The following RBL1 variants were observed in gnomAD, a reference collection of about 807,000 sequenced individuals.
The protein encoded by RBL1 is retinoblastoma-like protein 1.
A neutral mutation model predicts 123.0 loss-of-function variants in RBL1; 82 were observed. The ratio of observed to expected loss-of-function variants is 0.67; its 90% CI spans 0.56 to 0.80. The LOEUF (loss-of-function observed/expected upper bound fraction) is 0.80. Ranked by LOEUF, RBL1 falls within the 30% of genes least tolerant of loss-of-function variation. RBL1 has a pLI of 0.00. For missense variants in RBL1, 1,171 were observed against 1,299.6 expected, an observed-to-expected ratio of 0.90 and a Z score of 1.52; for synonymous variants, 405 against 441.3, an observed-to-expected ratio of 0.92 and a Z score of 1.03.
chr20:37,037,993 T>C (rs866975770), intron 14 of RBL1, among the ~76,000 whole-genome samples: 2 of 145,148 alleles, frequency 1.4e-5, no homozygotes, highest in African/African-American at 2.6e-5. Flanking sequence ...CCATTGTTTT[T>C]TTTTTTTTTT....
chr20:37,027,865 C>T (rs776554259), intron 16 of RBL1, among the ~76,000 whole-genome samples: 7 of 152,096 alleles, frequency 4.6e-5, no homozygotes, highest in Non-Finnish European at 5.9e-5. Context: ...TGTTATCCTC[C>T]CACTTCAGCC....
intron 2 of RBL1, among the ~76,000 whole-genome samples, chr20:37,071,902 G>C (rs1365143472): frequency 6.6e-6 from 1 of 152,110 alleles, no homozygotes; most frequent in Admixed American, 6.6e-5. Context: ...CCCTCACCAG[G>C]AGCAGATGCC....
At chr20:37,082,688 T>C (rs1181691448) in intron 2 of RBL1, among the ~76,000 whole-genome samples, 2 of 152,218 alleles carry the variant, frequency 1.3e-5, no homozygotes, top group East Asian at 1.9e-4. Context: ...ATTTACATTG[T>C]ATTAGGTATA....
intron 20 of RBL1, among the ~76,000 whole-genome samples, chr20:37,004,437 G>A (rs533452625): frequency 1.1e-4 from 17 of 150,176 alleles, no homozygotes; most frequent in African/African-American, 4.1e-4. Flanking sequence ...TTCTGGCCAG[G>A]CACAGTGGCT....
chr20:37,001,939 A>AAAAC (rs1305853066), intron 21 of RBL1, among the ~76,000 whole-genome samples: 2 of 150,318 alleles, frequency 1.3e-5, no homozygotes, highest in African/African-American at 2.4e-5. Flanking sequence ...AAAAAAAAAA[A>AAAAC]AAACAAACCA....
At chr20:37,026,460 C>T (rs1248185786) in intron 16 of RBL1, among the ~76,000 whole-genome samples, 1 of 152,028 alleles carries the variant, frequency 6.6e-6, no homozygotes, top group Non-Finnish European at 1.5e-5. Flanking sequence ...AATCCCAGCA[C>T]TTTGAGAGGC....
rs61354360 is a variant in RBL1, at chr20:37,086,504, C to T, written c.290+2485G>A. ...TGGGGAGGCTGAGATCAGGCCATTG[C>T]ACTCCAGCCGGGGCAACAAGAGCAA... On this transcript the variant is annotated intron_variant, in intron 2 of 21. Coordinates refer to ENST00000373664, the MANE Select transcript of RBL1 (RefSeq NM_002895.5). Among the ~76,000 whole-genome samples, 1,346 of 152,102 alleles carry T rather than the reference C, an allele frequency of 8.8e-3. 18 individuals are homozygous for T. The highest frequency in any genetic ancestry group is 0.03 in the African/African-American group (1,238 of 41,476).
rs539528744 is a variant in RBL1, at chr20:37,052,049, T to G, written c.1467+3504A>C. ...TATTTTATTTTTAAGTTTTTTTTTT[T>G]TTAGATAGAGTCTCGCTCTGTTGCC... On this transcript the variant is annotated intron_variant, in intron 11 of 21. Transcript: ENST00000373664. Among the ~76,000 whole-genome samples, 44 of 151,904 alleles carry G rather than the reference T, an allele frequency of 2.9e-4. No homozygotes were observed. The South Asian group carries it at 8.5e-3, about 29-fold the overall frequency.
chr20:37,064,459 A>G (rs904278400), intron 7 of RBL1, among the ~76,000 whole-genome samples: 2 of 151,868 alleles, frequency 1.3e-5, no homozygotes, highest in African/African-American at 4.8e-5. Flanking sequence ...TTAAATGCCA[A>G]TTGGCCGGGT....
intron 1 of RBL1, among the ~76,000 whole-genome samples, chr20:37,089,971 A>C (rs984573459): frequency 2.6e-5 from 4 of 152,056 alleles, no homozygotes; most frequent in Non-Finnish European, 5.9e-5. Flanking sequence ...AGAATAGCTT[A>C]AACTCGGGAG....
At chr20:37,000,741 C>T (rs1236436751) in intron 21 of RBL1, among the ~76,000 whole-genome samples, 15 of 133,296 alleles carry the variant, frequency 1.1e-4, no homozygotes, top group African/African-American at 2.6e-4. Context: ...GCCCCCCGCC[C>T]GGCCAGCCGC....
chr20:37,054,291 T>C (rs1393573187), intron 11 of RBL1, among the ~76,000 whole-genome samples: 1 of 152,024 alleles, frequency 6.6e-6, no homozygotes, highest in Non-Finnish European at 1.5e-5. Context: ...AAGACCAGCC[T>C]GGCCAAGACA....
chr20:37,095,708 A>AGGGGC (rs984171924), intron 1 of RBL1, 65 bp downstream of exon 1: 2 of 1,412,374 alleles, frequency 1.4e-6, no homozygotes, highest in South Asian at 1.5e-5. Context: ...AGGCCGAGGA[A>AGGGGC]GGGGCGGGGC....
In RBL1 at chr20:37,042,773, G is replaced by A. The variant is rs553758275; in HGVS notation, c.1770+1313C>T. 6.6e-5 allele frequency among the ~76,000 whole-genome samples: 10 copies of A among 151,766 alleles called. No homozygotes were observed. The East Asian group carries it at 1.9e-3, about 29-fold the overall frequency. Reference sequence around the variant, plus strand: ...CAAAAATTAGCCAGGTGTGGTGTGTGTGCCTGTAGTCCCAGCTACTCAGAA... The same window carrying A: ...CAAAAATTAGCCAGGTGTGGTGTGTATGCCTGTAGTCCCAGCTACTCAGAA... On this transcript the variant is annotated intron_variant, in intron 13 of 21. Transcript: ENST00000373664.
intron 11 of RBL1, chr20:37,049,619 G>T: frequency 1.3e-6 from 1 of 757,502 alleles, no homozygotes; most frequent in Non-Finnish European, 2.4e-6. Context: ...GATGAATGTG[G>T]TGCTGGAGTG....
chr20:37,044,354 T>G, intron 12 of RBL1, 104 bp from the exon 13 acceptor site: 1 of 1,188,660 alleles, frequency 8.4e-7, no homozygotes, highest in Non-Finnish European at 1.2e-6. Context: ...CTTCTTTTTT[T>G]TGAGACGGAG....
chr20:37,022,512 A>G, intron 17 of RBL1, 138 bp downstream of exon 17: 1 of 699,948 alleles, frequency 1.4e-6, no homozygotes. Flanking sequence ...TTTTTTATAG[A>G]GATGAGGTTT....
intron 7 of RBL1, among the ~76,000 whole-genome samples, chr20:37,062,727 G>A (rs1371553576): frequency 5.3e-5 from 8 of 151,734 alleles, no homozygotes; most frequent in African/African-American, 1.5e-4. Context: ...AGGCCGAGGC[G>A]GGCAGATCAC....
chr20:36,998,918 A>G lies in RBL1; in HGVS notation c.3048T>C (p.Asp1016=). ...FNGSPSKSLK[D]INNMIRQGEQ... ...CACCTTGCCTTATCATGTTGTTGATATCTTTCAAACTCTGTGCAGAAATAG... is the reference window on the plus strand; with the variant it reads ...CACCTTGCCTTATCATGTTGTTGATGTCTTTCAAACTCTGTGCAGAAATAG... The change falls in exon 22 of 22, where the codon GAT becomes GAC. Residue 1016 remains aspartate, a synonymous_variant. Coordinates refer to ENST00000373664, the MANE Select transcript of RBL1 (RefSeq NM_002895.5). 1 of 1,612,462 alleles carries G rather than the reference A, an allele frequency of 6.2e-7. No individual in the cohort carries two copies. The highest frequency in any genetic ancestry group is 8.5e-7 in the Non-Finnish European group (1 of 1,179,346).
Sources: gnomAD v4.1 joint callset for allele counts (sites outside exome capture counted in the v4.1 genomes callset) on GRCh38, gnomAD v4.1.1 for gene constraint, MANE v1.5 for transcripts, NCBI Gene and HGNC (gene_info 2026-07-23, HGNC 2026-07-21) for gene names.